The following CRB1 variants were observed in gnomAD, a reference collection of about 807,000 sequenced individuals.
The protein encoded by CRB1 is protein crumbs homolog 1.
In CRB1, 83 loss-of-function variants were observed where a neutral mutation model predicts 120.0. The ratio of observed to expected loss-of-function variants is 0.69; its 90% CI spans 0.58 to 0.83. The LOEUF (loss-of-function observed/expected upper bound fraction) is 0.83, where lower values mean the gene tolerates loss of function less well. CRB1 is among the 40% of genes least tolerant of loss of function. The pLI is 0.00. For synonymous variants in CRB1, 625 were observed against 612.5 expected (o/e 1.02, Z -0.30); for missense variants, 1,699 against 1,687.6 (o/e 1.01, Z -0.12).
chr1:197,346,142 T>A (rs1434662099), intron 3 of CRB1, among the ~76,000 whole-genome samples: 2 of 152,238 alleles, frequency 1.3e-5, no homozygotes, highest in Non-Finnish European at 2.9e-5. Context: ...CACTTGAATA[T>A]GCCATGAATA....
At chr1:197,261,102 A>G in the CRB1 span, among the ~76,000 whole-genome samples, 61 of 152,366 alleles carry the variant, frequency 4.0e-4, no homozygotes, top group African/African-American at 1.4e-3. Context: ...TTTTCTAAAT[A>G]TGAAAAATAC....
chr1:197,386,557 A>G (rs1487413117), intron 5 of CRB1, among the ~76,000 whole-genome samples: 1 of 152,180 alleles, frequency 6.6e-6, no homozygotes, highest in East Asian at 1.9e-4. Flanking sequence ...AAAAAACAAC[A>G]TGATCTGGAA....
Position 197,289,952 on chromosome 1 carries a change from G to C in CRB1, c.70+21470G>C, listed in dbSNP as rs551114803. On this transcript the variant is annotated intron_variant, in intron 1 of 11. Coordinates refer to ENST00000367400, the MANE Select transcript of CRB1 (RefSeq NM_201253.3). Reference sequence around the variant, plus strand: ...TGATTATATATCTGTAGCTATTTAAGTATATAGTTGTTATATATAGTTATT... The same window carrying C: ...TGATTATATATCTGTAGCTATTTAACTATATAGTTGTTATATATAGTTATT... Among the ~76,000 whole-genome samples the C allele has an allele frequency of 7.3e-4, 110 of 151,356 alleles. 2 individuals are homozygous for C. The highest frequency in any genetic ancestry group is 4.9e-4 in the Non-Finnish European group (33 of 67,732).
the CRB1 span, among the ~76,000 whole-genome samples, chr1:197,214,940 A>G: frequency 3.9e-5 from 6 of 152,200 alleles, no homozygotes; most frequent in Non-Finnish European, 1.5e-5. Context: ...AAAACAAAAC[A>G]AAAAGACTGG....
At chr1:197,402,178 G>C (rs1485531656) in intron 5 of CRB1, among the ~76,000 whole-genome samples, 1 of 152,014 alleles carries the variant, frequency 6.6e-6, no homozygotes, top group Non-Finnish European at 1.5e-5. Flanking sequence ...TAGTTATTTA[G>C]TTATTTTTTT....
chr1:197,470,142 T>G (rs1232575320), intron 11 of CRB1, among the ~76,000 whole-genome samples: 2 of 152,208 alleles, frequency 1.3e-5, no homozygotes, highest in African/African-American at 2.4e-5. Flanking sequence ...TTCTGCCAAG[T>G]GGCAGTCTGC....
chr1:197,281,723 G>C (rs1403010450), intron 1 of CRB1, among the ~76,000 whole-genome samples: 1 of 151,862 alleles, frequency 6.6e-6, no homozygotes, highest in African/African-American at 2.4e-5. Flanking sequence ...TGAGAAATGG[G>C]TGAGAGCAAA....
At chr1:197,227,476 C>T in the CRB1 span, among the ~76,000 whole-genome samples, 1 of 151,704 alleles carries the variant, frequency 6.6e-6, no homozygotes, top group Non-Finnish European at 1.5e-5. Context: ...AATTCTAAAC[C>T]TCCAAAATGA....
chr1:197,326,807 A>C (rs1187332004), intron 1 of CRB1, among the ~76,000 whole-genome samples: 1 of 151,902 alleles, frequency 6.6e-6, no homozygotes, highest in African/African-American at 2.4e-5. Flanking sequence ...TGGCACCTTG[A>C]ATTAGTCCAT....
the CRB1 span, among the ~76,000 whole-genome samples, chr1:197,232,428 G>A: frequency 5.9e-5 from 9 of 152,106 alleles, no homozygotes; most frequent in African/African-American, 2.2e-4. Flanking sequence ...GGTCGATGCA[G>A]TTACAATAAA....
rs1051862238 is a variant in CRB1, at chr1:197,429,155, C to T, written c.2677-294C>T. On this transcript the variant is annotated intron_variant, in intron 7 of 11. Transcript: ENST00000367400. ...GATAATTAGTGCATGTGAAAAAGTG[C>T]CTGGTAATTTGTAAATTACAGAGGA... 3.3e-6 allele frequency: 5 copies of T among 1,530,322 alleles called. No homozygotes were observed. The African/African-American group carries it at 5.5e-5, about 17-fold the overall frequency. The allele number at this position is 1,530,322 out of a possible 1,614,324, so 94.8% of individuals were successfully genotyped here.
the CRB1 span, among the ~76,000 whole-genome samples, chr1:197,218,569 G>A: frequency 6.6e-6 from 1 of 152,182 alleles, no homozygotes; most frequent in East Asian, 1.9e-4. Context: ...TGGAATAAAT[G>A]TGGAGGTCAA....
At chr1:197,312,145 A>G (rs567006437) in intron 1 of CRB1, among the ~76,000 whole-genome samples, 1 of 152,306 alleles carries the variant, frequency 6.6e-6, no homozygotes, top group South Asian at 2.1e-4. Flanking sequence ...TGTGTATATA[A>G]TCAATATACA....
chr1:197,279,075 T>G (rs1655379758), intron 1 of CRB1, among the ~76,000 whole-genome samples: 1 of 151,928 alleles, frequency 6.6e-6, no homozygotes, highest in Non-Finnish European at 1.5e-5. Flanking sequence ...TAATCAAGCT[T>G]GCTTCGAAAT....
Position 197,435,481 on chromosome 1 carries a change from C to T in CRB1, c.3618C>T (p.Tyr1206=). The T allele has an allele frequency of 6.2e-7, 1 of 1,603,650 alleles. No individual in the cohort carries two copies. The highest frequency in any genetic ancestry group is 8.5e-7 in the Non-Finnish European group (1 of 1,174,628). The change falls in exon 9 of 12, where the codon TAC becomes TAT. Residue 1206 remains tyrosine (Y), a synonymous_variant. Coordinates refer to ENST00000367400, the MANE Select transcript of CRB1 (RefSeq NM_201253.3). ...ACCACTGCACATGTGAGCCTGGATA[C>T]ACTGGTGTGAACTGTGAAGTGGATA... ...AAYHCTCEPG[Y]TGVNCEVDID... is the part of the protein sequence containing the mutation.
At chr1:197,450,790 A>AAAG (rs1354686760) in intron 11 of CRB1, among the ~76,000 whole-genome samples, 2 of 136,836 alleles carry the variant, frequency 1.5e-5, no homozygotes, top group African/African-American at 5.4e-5. Flanking sequence ...AATACAAAAA[A>AAAG]AAAAAAAAAA....
intron 5 of CRB1, chr1:197,357,279 A>G (rs1660538648): frequency 3.9e-6 from 2 of 516,644 alleles, no homozygotes; most frequent in Admixed American, 3.2e-5. Context: ...AGTGCATCTC[A>G]AGTTCTTTAC....
chr1:197,259,197 T>C, the CRB1 span, among the ~76,000 whole-genome samples: 1 of 152,244 alleles, frequency 6.6e-6, no homozygotes, highest in African/African-American at 2.4e-5. Context: ...CAATGGAATA[T>C]AAATCATTCT....
chr1:197,391,161 A>G (rs1031176014), intron 5 of CRB1, among the ~76,000 whole-genome samples: 1 of 152,136 alleles, frequency 6.6e-6, no homozygotes, highest in African/African-American at 2.4e-5. Flanking sequence ...ATCTTCCTCA[A>G]TAGTGGTGTT....
Sources: gnomAD v4.1 joint callset for allele counts (sites outside exome capture counted in the v4.1 genomes callset) on GRCh38, gnomAD v4.1.1 for gene constraint, MANE v1.5 for transcripts, NCBI Gene and HGNC (gene_info 2026-07-23, HGNC 2026-07-21) for gene names.